PLXNA4: variants seen among roughly 807,000 people sequenced by gnomAD.
PLXNA4 encodes plexin-A4.
In PLXNA4, 44 loss-of-function variants were observed where a neutral mutation model predicts 191.8. The ratio of observed to expected loss-of-function variants is 0.23; its 90% CI spans 0.18 to 0.29. PLXNA4 has a LOEUF of 0.29. Ranked by LOEUF, PLXNA4 falls within the 10% of genes least tolerant of loss-of-function variation. PLXNA4 has a pLI of 1.00. For synonymous variants in PLXNA4, 1,082 were observed against 1,009.5 expected (o/e 1.07, Z -1.36); for missense variants, 1,800 against 2,488.8 (o/e 0.72, Z 5.89).
chr7:132,525,566 G>T (rs1563151935), intron 1 of PLXNA4, among the ~76,000 whole-genome samples: 1 of 152,284 alleles, frequency 6.6e-6, no homozygotes, highest in East Asian at 1.9e-4. Flanking sequence ...ATTTTGTGGG[G>T]GGCACCAGAA....
intron 31 of PLXNA4, 101 bp downstream of exon 31, chr7:132,132,948 G>T: frequency 2.7e-6 from 4 of 1,497,370 alleles, no homozygotes; most frequent in Non-Finnish European, 3.6e-6. Flanking sequence ...AGCAGAGGTG[G>T]ATGTGTCTGT....
intron 1 of PLXNA4, among the ~76,000 whole-genome samples, chr7:132,551,647 C>A (rs1274562866): frequency 1.3e-5 from 2 of 152,092 alleles, no homozygotes; most frequent in Non-Finnish European, 1.5e-5. Context: ...CCTCTAGTTT[C>A]CCCACCCCAA....
At chr7:132,137,165 T>C (rs1349141938) in intron 30 of PLXNA4, among the ~76,000 whole-genome samples, 2 of 152,240 alleles carry the variant, frequency 1.3e-5, no homozygotes, top group Non-Finnish European at 2.9e-5. Flanking sequence ...GTCACCATTT[T>C]ATGTATTTGA....
chr7:132,145,247 G>T lies in PLXNA4; in HGVS notation c.5097C>A (p.Ile1699=), dbSNP rs1338257541. Reference sequence around the variant, plus strand: ...CAGAGCCACGGTGTGCCGTGCTGAAGATGGTCTCAAAGAGGTCATCCACAA... The same window carrying T: ...CAGAGCCACGGTGTGCCGTGCTGAATATGGTCTCAAAGAGGTCATCCACAA... ...QKFVDDLFET[I]FSTAHRGSAL... is the part of the protein sequence containing the mutation. The change falls in exon 29 of 32, where the codon ATC becomes ATA. Residue 1699 remains isoleucine, a synonymous_variant. Transcript: ENST00000321063. 6.2e-7 allele frequency: 1 copy of T among 1,614,118 alleles called. No individual in the cohort carries two copies. Among genetic ancestry groups the T allele is most frequent in the Non-Finnish European group, 8.5e-7 (1 of 1,180,046 alleles).
Position 132,305,611 on chromosome 7 carries a change from C to T in PLXNA4, c.1372-7389G>A, listed in dbSNP as rs554544574. Among the ~76,000 whole-genome samples, 116 of 152,264 alleles carry T rather than the reference C, an allele frequency of 7.6e-4. 1 individual carries two copies. The highest frequency in any genetic ancestry group is 3.4e-3 in the Middle Eastern group (1 of 294). On this transcript the variant is annotated intron_variant, in intron 3 of 31. Coordinates refer to ENST00000321063, the MANE Select transcript of PLXNA4 (RefSeq NM_020911.2). Reference sequence around the variant, plus strand: ...ATTGAAACATCAGCAGCGTGGCCTCCGCAAAGGTCAGCCATCCGGGGAGCT... The same window carrying T: ...ATTGAAACATCAGCAGCGTGGCCTCTGCAAAGGTCAGCCATCCGGGGAGCT...
At chr7:132,499,854 G>A (rs1388318013) in intron 2 of PLXNA4, among the ~76,000 whole-genome samples, 1 of 152,156 alleles carries the variant, frequency 6.6e-6, no homozygotes, top group Non-Finnish European at 1.5e-5. Context: ...TTGGAACACT[G>A]ACGGAGACAC....
At chr7:132,172,628 C>T (rs956916284) in intron 21 of PLXNA4, among the ~76,000 whole-genome samples, 6 of 152,238 alleles carry the variant, frequency 3.9e-5, no homozygotes, top group Non-Finnish European at 5.9e-5. Flanking sequence ...CACAATCCCT[C>T]GATTTCACAT....
At chr7:132,563,951 TTTCCTCCCCATTCTTTCTC>T (rs1801553585) in intron 1 of PLXNA4, among the ~76,000 whole-genome samples, 1 of 83,462 alleles carries the variant, frequency 1.2e-5, no homozygotes, top group Non-Finnish European at 2.3e-5. Flanking sequence ...TCCTCCTCCT[TTTCCTCCCCATTCTTTCTC>T]CTCCTCCTCC....
At chr7:132,497,712 C>T (rs1388436907) in intron 2 of PLXNA4, among the ~76,000 whole-genome samples, 5 of 152,124 alleles carry the variant, frequency 3.3e-5, no homozygotes, top group Admixed American at 3.3e-4. Context: ...CCCACGCTGG[C>T]CCTATGAGAT....
chr7:132,592,857 C>CA (rs1295765128), intron 2 of PLXNA4, among the ~76,000 whole-genome samples: 3 of 145,986 alleles, frequency 2.1e-5, no homozygotes, highest in Non-Finnish European at 4.5e-5. Context: ...TTTCCAGAAG[C>CA]AAAAAAAATT....
Position 132,210,976 on chromosome 7 carries a change from G to A in PLXNA4, c.2265C>T (p.Phe755=). 1 of 1,613,216 alleles carries A rather than the reference G, an allele frequency of 6.2e-7. No homozygotes were observed. ...TCTGGCACTGTACGCTGGAGCTGTT[G>A]AAGCGCAGGGCGGGCACTCGCTGCT... ...GSEQRVPALR[F]NSSSVQCQNT... is the part of the protein sequence containing the mutation. Residue 755 remains phenylalanine, a synonymous_variant, in exon 10 of 32, where the codon TTC becomes TTT. Transcript: ENST00000321063.
chr7:132,198,175 A>G (rs1797311019), intron 13 of PLXNA4, among the ~76,000 whole-genome samples: 1 of 152,052 alleles, frequency 6.6e-6, no homozygotes, highest in South Asian at 2.1e-4. Flanking sequence ...TTGGATTTAC[A>G]CTTCTCTTGC....
At chr7:132,194,308 G>A (rs2116823398) in intron 13 of PLXNA4, 129 bp from the exon 14 acceptor site, 27 of 1,400,976 alleles carry the variant, frequency 1.9e-5, no homozygotes, top group Non-Finnish European at 2.5e-5. Context: ...GGGAGGAAGG[G>A]GAAGATATCC....
chr7:132,180,064 T>G, intron 19 of PLXNA4, 143 bp from the exon 20 acceptor site: 1 of 1,391,052 alleles, frequency 7.2e-7, no homozygotes. Context: ...CAAGAGGGCA[T>G]GGGGGGCTGG....
At position 132,532,776 on chromosome 7, in the gene PLXNA4, A is replaced by G. The variant is rs529594418; in HGVS notation, c.-86-23997T>C. ...TTCCACTCTAATAGAACTACTCTCT[A>G]TTGCCCATGCATGTCCTGTGCTTTC... On this transcript the variant is annotated intron_variant, in intron 1 of 31. Coordinates refer to ENST00000321063, the MANE Select transcript of PLXNA4 (RefSeq NM_020911.2). Among the ~76,000 whole-genome samples, 4 of 152,266 alleles carry G rather than the reference A, an allele frequency of 2.6e-5. No individual in the cohort carries two copies. The South Asian group carries it at 6.2e-4, about 24-fold the overall frequency.
At chr7:132,484,612 G>A (rs1797471007) in intron 3 of PLXNA4, 3 of 868,668 alleles carry the variant, frequency 3.5e-6, no homozygotes, top group Non-Finnish European at 5.1e-6. Flanking sequence ...TTGGGCTGGA[G>A]AAACATATAG....
intron 1 of PLXNA4, among the ~76,000 whole-genome samples, chr7:132,560,794 C>T (rs1299472809): frequency 6.6e-6 from 1 of 152,094 alleles, no homozygotes; most frequent in Non-Finnish European, 1.5e-5. Flanking sequence ...CCCCACTGCC[C>T]GTTCCTTGCT....
chr7:132,459,811 C>T (rs376681284), intron 3 of PLXNA4, among the ~76,000 whole-genome samples: 10 of 152,312 alleles, frequency 6.6e-5, no homozygotes, highest in East Asian at 1.9e-4. Flanking sequence ...AAATTACCTT[C>T]CGGTTTCGAT....
At chr7:132,607,774 A>G (rs1275054660) in intron 2 of PLXNA4, among the ~76,000 whole-genome samples, 1 of 152,202 alleles carries the variant, frequency 6.6e-6, no homozygotes, top group Non-Finnish European at 1.5e-5. Flanking sequence ...CATCATCATT[A>G]TCACCATCAC....
Sources: gnomAD v4.1 joint callset for allele counts (sites outside exome capture counted in the v4.1 genomes callset) on GRCh38, gnomAD v4.1.1 for gene constraint, MANE v1.5 for transcripts, NCBI Gene and HGNC (gene_info 2026-07-23, HGNC 2026-07-21) for gene names.